CEP192: variants seen among roughly 807,000 people sequenced by gnomAD.
CEP192 encodes centrosomal protein 192.
A neutral mutation model predicts 271.8 loss-of-function variants in CEP192; 151 were observed. That is an observed-to-expected ratio of 0.56 (90% CI 0.49 to 0.64). The LOEUF (loss-of-function observed/expected upper bound fraction) is 0.64. Ranked by LOEUF, CEP192 falls within the 30% of genes least tolerant of loss-of-function variation. CEP192 has a pLI of 0.00. For missense variants in CEP192, 2,910 were observed against 3,020.5 expected (o/e 0.96, Z 0.86); for synonymous variants, 995 against 1,076.5 (o/e 0.92, Z 1.48).
chr18:13,075,080 A>G (rs934253088), intron 30 of CEP192, among the ~76,000 whole-genome samples: 1 of 152,222 alleles, frequency 6.6e-6, no homozygotes, highest in Non-Finnish European at 1.5e-5. Flanking sequence ...CTGCAGTACA[A>G]CAGTGTTGGG....
Position 13,114,205 on chromosome 18 carries a change from A to G in CEP192, c.7243A>G (p.Lys2415Glu). Residue 2415 changes from lysine to glutamate, a missense_variant, in exon 42 of 45, where the codon AAG becomes GAG. By Grantham distance (56) the Lys-to-Glu change is moderately conservative. Coordinates refer to ENST00000506447, the MANE Select transcript of CEP192 (RefSeq NM_032142.4). ...CCTCATTAAAATAGATCATTTAGTT[A>G]AGCCCCGAAGACAAGCTGTGTCAGA... ...DSLIKIDHLV[K>E]PRRQAVSEAS... The G allele has an allele frequency of 3.1e-6, 5 of 1,614,032 alleles. No individual in the cohort carries two copies. The highest frequency in any genetic ancestry group is 1.3e-5 in the African/African-American group (1 of 75,048).
chr18:12,994,768 C>G (rs944794997), intron 1 of CEP192, among the ~76,000 whole-genome samples: 1 of 152,124 alleles, frequency 6.6e-6, no homozygotes, highest in Non-Finnish European at 1.5e-5. Flanking sequence ...CCTTATAATT[C>G]TGTTTTCTAA....
intron 7 of CEP192, 48 bp downstream of exon 7, chr18:13,017,384 T>C: frequency 7.3e-7 from 1 of 1,376,766 alleles, no homozygotes; most frequent in Non-Finnish European, 9.7e-7. Flanking sequence ...ATTAGAAAAT[T>C]ACTATTGGTC....
chr18:13,070,092 C>T (rs1011686309), intron 27 of CEP192, among the ~76,000 whole-genome samples: 2 of 151,582 alleles, frequency 1.3e-5, no homozygotes, highest in Non-Finnish European at 2.9e-5. Context: ...ACCCAGGAGG[C>T]GGAGGTTGCA....
intron 44 of CEP192, among the ~76,000 whole-genome samples, chr18:13,122,535 C>G (rs376194281): frequency 1.3e-5 from 2 of 152,036 alleles, no homozygotes; most frequent in Non-Finnish European, 2.9e-5. Flanking sequence ...GAGCTGAGAT[C>G]GTGCCACTGC....
At chr18:13,109,239 T>C (rs2040096055) in intron 40 of CEP192, among the ~76,000 whole-genome samples, 1 of 152,208 alleles carries the variant, frequency 6.6e-6, no homozygotes, top group South Asian at 2.1e-4. Context: ...TCATGACCTT[T>C]GTAGCAACAT....
chr18:13,055,775 C>T lies in CEP192; in HGVS notation c.3190-5C>T. On this transcript the variant is annotated splice_polypyrimidine_tract_variant and splice_region_variant and intron_variant, in intron 18 of 44. Coordinates refer to ENST00000506447, the MANE Select transcript of CEP192 (RefSeq NM_032142.4). Reference sequence around the variant, plus strand: ...ATTATTAAAAACAAATTTTGTTGCACTCAGAGTGATATCACCAGCGAGTTG... The same window carrying T: ...ATTATTAAAAACAAATTTTGTTGCATTCAGAGTGATATCACCAGCGAGTTG... 1 of 1,535,050 alleles carries T rather than the reference C, an allele frequency of 6.5e-7. No individual in the cohort carries two copies. The highest frequency in any genetic ancestry group is 8.7e-7 in the Non-Finnish European group (1 of 1,144,404).
intron 44 of CEP192, among the ~76,000 whole-genome samples, chr18:13,119,185 G>T (rs1320610824): frequency 6.6e-6 from 1 of 152,172 alleles, no homozygotes; most frequent in Non-Finnish European, 1.5e-5. Context: ...TGTTGTAACT[G>T]TTTTTAGTAA....
chr18:13,073,174 A>G lies in CEP192; in HGVS notation c.5605A>G (p.Ile1869Val), dbSNP rs760937828. 3.1e-6 allele frequency: 5 copies of G among 1,607,334 alleles called. No individual in the cohort carries two copies. The highest frequency in any genetic ancestry group is 3.4e-5 in the Admixed American group (2 of 58,212). The change falls in exon 30 of 45, where the codon ATT becomes GTT. Residue 1869 changes from isoleucine (I) to valine (V), a missense_variant. By Grantham distance (29) the Ile-to-Val change is conservative. Transcript: ENST00000506447. ...KQLGNRSQPG[I>V]KFTIPLSGYG... ...ACTTGGAAATCGATCACAACCAGGC[A>G]TTAAGTTCACAGTAAGATCATTTTA...
chr18:13,096,286 A>G lies in CEP192; in HGVS notation c.6536A>G (p.Gln2179Arg), dbSNP rs1019509397. The G allele has an allele frequency of 6.2e-6, 10 of 1,613,676 alleles. No homozygotes were observed. In the African/African-American group the frequency reaches 1.3e-4, roughly 22 times the overall value. The change falls in exon 36 of 45, where the codon CAG becomes CGG. Residue 2179 changes from glutamine to arginine, a missense_variant. Coordinates refer to ENST00000506447, the MANE Select transcript of CEP192 (RefSeq NM_032142.4). The stretch of plus-strand genomic sequence containing the variant: ...GCGCATTGCCTCACAGTCACGCCGC[A>G]GCATGGATGTGTCGCGCCAGAGTAA... ...WPAHCLTVTP[Q>R]HGCVAPESKL...
At chr18:13,061,363 TG>T (rs1242536779) in intron 21 of CEP192, among the ~76,000 whole-genome samples, 1 of 152,208 alleles carries the variant, frequency 6.6e-6, no homozygotes, top group Non-Finnish European at 1.5e-5. Flanking sequence ...TCCACAAAGC[TG>T]TAACTGTGAC....
intron 44 of CEP192, among the ~76,000 whole-genome samples, chr18:13,120,147 T>C (rs919808376): frequency 2.0e-5 from 3 of 152,372 alleles, no homozygotes; most frequent in Middle Eastern, 3.4e-3. Context: ...AGAAAGAACC[T>C]AAACCTATTT....
chr18:13,010,424 G>A (rs1176840701), intron 4 of CEP192, among the ~76,000 whole-genome samples: 2 of 151,996 alleles, frequency 1.3e-5, no homozygotes, highest in Non-Finnish European at 2.9e-5. Flanking sequence ...TATTTCTCTT[G>A]ATGAAAAATG....
intron 19 of CEP192, 150 bp downstream of exon 19, chr18:13,056,848 G>A (rs1357903457): frequency 1.7e-5 from 12 of 723,072 alleles, no homozygotes; most frequent in Non-Finnish European, 2.5e-5. Flanking sequence ...GTATTTCTGT[G>A]CAAGCGTCCC....
At chr18:13,117,537 A>C (rs1321164619) in intron 43 of CEP192, 48 bp from the exon 44 acceptor site, 1 of 1,378,622 alleles carries the variant, frequency 7.3e-7, no homozygotes, top group Non-Finnish European at 1.0e-6. Context: ...TATATGCTAA[A>C]AGATCTAATT....
chr18:13,041,006 C>T (rs770594030), intron 14 of CEP192, 50 bp downstream of exon 14: 14 of 1,523,588 alleles, frequency 9.2e-6, no homozygotes, highest in Admixed American at 3.9e-5. Context: ...TTCTTAAATG[C>T]GTAACTTAGG....
chr18:13,116,362 C>T lies in CEP192; in HGVS notation c.7290-15C>T. On this transcript the variant is annotated splice_polypyrimidine_tract_variant and intron_variant, in intron 42 of 44. Transcript: ENST00000506447. ...GATTTCAGATTCTTAACTTTTACAC[C>T]TATTCCCAAAGCAGGCAGCTTGATG... 1.2e-6 allele frequency: 2 copies of T among 1,609,848 alleles called. No homozygotes were observed. Among genetic ancestry groups the T allele is most frequent in the Middle Eastern group, 1.7e-4 (1 of 6,056 alleles).
intron 18 of CEP192, 56 bp downstream of exon 18, chr18:13,053,146 A>G: frequency 1.4e-6 from 2 of 1,403,866 alleles, no homozygotes; most frequent in Non-Finnish European, 1.9e-6. Flanking sequence ...AAAAGTGTTA[A>G]CAGATGTTTG....
chr18:13,122,045 T>C (rs927978328), intron 44 of CEP192, among the ~76,000 whole-genome samples: 1 of 152,228 alleles, frequency 6.6e-6, no homozygotes, highest in East Asian at 1.9e-4. Flanking sequence ...TCCCAACATT[T>C]TGGGAGGCCA....
Sources: gnomAD v4.1 joint callset for allele counts (sites outside exome capture counted in the v4.1 genomes callset) on GRCh38, gnomAD v4.1.1 for gene constraint, MANE v1.5 for transcripts, NCBI Gene and HGNC (gene_info 2026-07-23, HGNC 2026-07-21) for gene names.